Variants in PCDHGA6 observed in about 807,000 individuals in gnomAD.
PCDHGA6 encodes protocadherin gamma subfamily A, 6.
In PCDHGA6, 41 loss-of-function variants were observed where a neutral mutation model predicts 60.6. That is an observed-to-expected ratio of 0.68 (90% CI 0.53 to 0.88). The LOEUF is 0.88. PCDHGA6 is among the 40% of genes least tolerant of loss of function. The pLI is 0.00. For missense variants in PCDHGA6, 1,312 were observed against 1,203.0 expected, an observed-to-expected ratio of 1.09 and a Z score of -1.34; for synonymous variants, 594 against 524.4, an observed-to-expected ratio of 1.13 and a Z score of -1.81.
At position 141,436,288 on chromosome 5, in the gene PCDHGA6, C is replaced by T. The variant is rs533281663; in HGVS notation, c.2425-58519C>T. On this transcript the variant is annotated intron_variant, in intron 1 of 3. Coordinates refer to ENST00000517434, the MANE Select transcript of PCDHGA6 (RefSeq NM_018919.3). ...CACCTAACTTGATTTAGGAACAAATCATTGAGAGTTAGAGCATGAATAGTC... is the reference window on the plus strand; with the variant it reads ...CACCTAACTTGATTTAGGAACAAATTATTGAGAGTTAGAGCATGAATAGTC... 3.9e-3 allele frequency among the ~76,000 whole-genome samples: 590 copies of T among 152,274 alleles called. 9 individuals are homozygous for T. Among genetic ancestry groups the T allele is most frequent in the Middle Eastern group, 0.01 (3 of 294 alleles).
At chr5:141,419,151 C>T (rs2096335413) in intron 1 of PCDHGA6, 2 of 1,613,800 alleles carry the variant, frequency 1.2e-6, no homozygotes, top group African/African-American at 2.7e-5. Context: ...GGCAAGCCTC[C>T]GTTATCCTCC....
At chr5:141,377,297 C>T (rs566234622) in intron 1 of PCDHGA6, 1 of 151,972 alleles carries the variant, frequency 6.6e-6, no homozygotes, top group Non-Finnish European at 1.5e-5. Context: ...TAATTTAGGT[C>T]AGTGTTAAAG....
Position 141,476,468 on chromosome 5 carries a change from C to T in PCDHGA6, c.2425-18339C>T. 6.2e-7 allele frequency: 1 copy of T among 1,614,132 alleles called. No homozygotes were observed. Among genetic ancestry groups the T allele is most frequent in the Non-Finnish European group, 8.5e-7 (1 of 1,180,022 alleles). On this transcript the variant is annotated intron_variant, in intron 1 of 3. Coordinates refer to ENST00000517434, the MANE Select transcript of PCDHGA6 (RefSeq NM_018919.3). The surrounding 1 kb of genome is among the most constrained non-coding windows in gnomAD (Gnocchi z 7.6). ...GTTGGTAGTGGAGAACCCGCTGGAG[C>T]TGTTCAGCGTGGAAGTGGTGATCCA...
chr5:141,389,324 G>A (rs1425596117), intron 1 of PCDHGA6: 2 of 1,613,848 alleles, frequency 1.2e-6, no homozygotes, highest in African/African-American at 1.3e-5. Flanking sequence ...CGGACTTGGG[G>A]CCCAACGGCC....
At chr5:141,475,553 TTGTC>T (rs2099365287) in intron 1 of PCDHGA6, among the ~76,000 whole-genome samples, 2 of 152,260 alleles carry the variant, frequency 1.3e-5, no homozygotes, top group Non-Finnish European at 2.9e-5. Context: ...GTCCGGCTAA[TTGTC>T]TGTCTTCCAA....
intron 1 of PCDHGA6, among the ~76,000 whole-genome samples, chr5:141,406,535 G>A (rs2094820779): frequency 6.6e-6 from 1 of 152,168 alleles, no homozygotes; most frequent in South Asian, 2.1e-4. Context: ...TTCTGACGAA[G>A]ATTCAAACTT....
In PCDHGA6 at chr5:141,423,756, G is replaced by A. The variant is rs544048105; in HGVS notation, c.2424+47249G>A. 1.6e-5 allele frequency: 7 copies of A among 448,620 alleles called. 1 individual carries two copies. Among genetic ancestry groups the A allele is most frequent in the Non-Finnish European group, 2.1e-5 (7 of 329,706 alleles). 27.8% of individuals were successfully genotyped at this position (448,620 alleles called of 1,614,324 possible). A position where few individuals can be genotyped will look rare whatever the true frequency, so the allele number is the denominator to read the frequency against. ...GCCTGTTATGAAAACTGTTTGGGGG[G>A]GGGGTGGGGCGGCATATATTTAGTT... On this transcript the variant is annotated intron_variant, in intron 1 of 3. Coordinates refer to ENST00000517434, the MANE Select transcript of PCDHGA6 (RefSeq NM_018919.3).
Position 141,485,444 on chromosome 5 carries a change from G to T in PCDHGA6, c.2425-9363G>T. 1 of 1,614,108 alleles carries T rather than the reference G, an allele frequency of 6.2e-7. No homozygotes were observed. The highest frequency in any genetic ancestry group is 8.5e-7 in the Non-Finnish European group (1 of 1,180,020). ...AGCCCTGCTCATCAAGAACCCAATC[G>T]ACCGAGAGGCACTGTGTGGGCTCAG... is the stretch of plus-strand genomic sequence containing the variant. On this transcript the variant is annotated intron_variant, in intron 1 of 3. Coordinates refer to ENST00000517434, the MANE Select transcript of PCDHGA6 (RefSeq NM_018919.3). This position sits in a 1 kb window ranked among gnomAD's most constrained non-coding sequence, Gnocchi z 5.7.
At chr5:141,419,204 GC>G (rs2096344015) in intron 1 of PCDHGA6, 9 of 1,613,916 alleles carry the variant, frequency 5.6e-6, no homozygotes, top group Non-Finnish European at 7.6e-6. Context: ...CAATGACAAC[GC>G]GCCGGTTTTC....
At position 141,374,742 on chromosome 5, in the gene PCDHGA6, C is replaced by A. The variant is rs1382250910; in HGVS notation, c.659C>A (p.Pro220His). ...CTTACTGCCATGGATGGCGGCGACC[C>A]TGTCCGCTCAAGCGTCGCCCAAATT... is the stretch of plus-strand genomic sequence containing the variant. The part of the protein sequence containing the change: ...LVLTAMDGGD[P>H]VRSSVAQILV... Residue 220 changes from proline to histidine, a missense_variant, in exon 1 of 4, where the codon CCT becomes CAT. Transcript: ENST00000517434. 2 of 1,611,728 alleles carry A rather than the reference C, an allele frequency of 1.2e-6. No homozygotes were observed. The highest frequency in any genetic ancestry group is 1.3e-5 in the African/African-American group (1 of 74,904).
At chr5:141,383,517 G>A (rs374823629) in intron 1 of PCDHGA6, 1 of 1,612,492 alleles carries the variant, frequency 6.2e-7, no homozygotes, top group Non-Finnish European at 8.5e-7. Context: ...AGGAAGAGCG[G>A]GTTCACCACC....
At chr5:141,404,806 G>A (rs774487660) in intron 1 of PCDHGA6, 29 of 1,613,874 alleles carry the variant, frequency 1.8e-5, no homozygotes, top group South Asian at 1.3e-4. Context: ...GGCTCTTCTC[G>A]GTGGGGCTGC....
rs116716465 is a variant in PCDHGA6, at chr5:141,484,286, C to T, written c.2425-10521C>T. ...GATTCTTTACTGTTTTGAAACATCTCCCTCTCCTGGCTTCCTCCACCCCGC... is the reference window on the plus strand; with the variant it reads ...GATTCTTTACTGTTTTGAAACATCTTCCTCTCCTGGCTTCCTCCACCCCGC... On this transcript the variant is annotated intron_variant, in intron 1 of 3. Coordinates refer to ENST00000517434, the MANE Select transcript of PCDHGA6 (RefSeq NM_018919.3). 8.3e-3 allele frequency among the ~76,000 whole-genome samples: 1,266 copies of T among 152,294 alleles called. 10 individuals carry two copies. The highest frequency in any genetic ancestry group is 0.014 in the Non-Finnish European group (936 of 68,022).
chr5:141,382,942 C>G, intron 1 of PCDHGA6: 1 of 1,595,524 alleles, frequency 6.3e-7, no homozygotes, highest in African/African-American at 1.3e-5. Flanking sequence ...AGGATTCTTC[C>G]TGCTCTCCAT....
chr5:141,384,998 T>A, intron 1 of PCDHGA6: 1 of 1,614,130 alleles, frequency 6.2e-7, no homozygotes, highest in East Asian at 2.2e-5. Flanking sequence ...GTGGCCACAG[T>A]CTCCTGCGTC....
In PCDHGA6 at chr5:141,476,040, G is replaced by A; in HGVS notation, c.2425-18767G>A. 2.0e-6 allele frequency: 3 copies of A among 1,488,704 alleles called. No individual in the cohort carries two copies. Among genetic ancestry groups the A allele is most frequent in the Admixed American group, 2.2e-5 (1 of 44,984 alleles). 92.2% of individuals were successfully genotyped at this position (1,488,704 alleles called of 1,614,324 possible). On this transcript the variant is annotated intron_variant, in intron 1 of 3. Coordinates refer to ENST00000517434, the MANE Select transcript of PCDHGA6 (RefSeq NM_018919.3). The surrounding 1 kb of genome is among the most constrained non-coding windows in gnomAD (Gnocchi z 7.6). The stretch of plus-strand genomic sequence containing the variant: ...CGGACTCGGCGCCCAGCGCCCAAGC[G>A]CTAACCCGCTGAAAGTTTCTCAGCG...
chr5:141,466,090 C>A (rs983505253), intron 1 of PCDHGA6, among the ~76,000 whole-genome samples: 2 of 152,068 alleles, frequency 1.3e-5, no homozygotes, highest in African/African-American at 4.8e-5. Context: ...CCACTGCACT[C>A]CAGCCTGGGC....
chr5:141,403,353 A>T lies in PCDHGA6; in HGVS notation c.2424+26846A>T, dbSNP rs1335542003. The T allele has an allele frequency of 2.5e-6, 4 of 1,613,932 alleles. No individual in the cohort carries two copies. In the East Asian group the frequency reaches 6.7e-5, roughly 27 times the overall value. ...ATTAACGACAGCGCCCCAAAGTTCC[A>T]GGCCGAAAGTCTGGAAGTAAAAATT... On this transcript the variant is annotated intron_variant, in intron 1 of 3. Coordinates refer to ENST00000517434, the MANE Select transcript of PCDHGA6 (RefSeq NM_018919.3).
intron 1 of PCDHGA6, chr5:141,421,745 T>C: frequency 6.2e-7 from 1 of 1,613,950 alleles, no homozygotes; most frequent in Non-Finnish European, 8.5e-7. Flanking sequence ...AGCTACCAGC[T>C]CAGCCCTAAT....
Sources: gnomAD v4.1 joint callset for allele counts (sites outside exome capture counted in the v4.1 genomes callset) on GRCh38, gnomAD v4.1.1 for gene constraint, Gnocchi (gnomAD v3.1) non-coding constraint, MANE v1.5 for transcripts, NCBI Gene and HGNC (gene_info 2026-07-23, HGNC 2026-07-21) for gene names.